Variants in ARHGAP32 observed in about 807,000 individuals in gnomAD.
ARHGAP32 encodes rho GTPase-activating protein 32.
Under a neutral mutation model 186.5 loss-of-function variants are expected in ARHGAP32, and 51 were observed. The observed-to-expected ratio is 0.27, with a 90% CI of 0.22 to 0.35. The LOEUF (loss-of-function observed/expected upper bound fraction) is 0.35. ARHGAP32 is among the 10% of genes least tolerant of loss of function. The pLI is 1.00. For synonymous variants in ARHGAP32, 950 were observed against 964.3 expected (o/e 0.99, Z 0.27); for missense variants, 2,186 against 2,623.5 (o/e 0.83, Z 3.64).
chr11:129,188,123 T>G (rs1204967239), intron 1 of ARHGAP32, among the ~76,000 whole-genome samples: 1 of 151,980 alleles, frequency 6.6e-6, no homozygotes, highest in African/African-American at 2.4e-5. Flanking sequence ...ACCCAGCTAA[T>G]TTTTGTATTT....
chr11:129,065,375 T>C (rs942476729), intron 7 of ARHGAP32, among the ~76,000 whole-genome samples: 2 of 152,092 alleles, frequency 1.3e-5, no homozygotes, highest in African/African-American at 4.8e-5. Context: ...TTCAGCCGAT[T>C]GGTCCAGGAA....
At chr11:129,193,657 C>CAATATATGTTATATATAATATAT (rs1565464780), upstream of ARHGAP32, among the ~76,000 whole-genome samples, 2 of 43,468 alleles carry the variant, frequency 4.6e-5, no homozygotes, top group Non-Finnish European at 8.8e-5. Flanking sequence ...AATACATATA[C>CAATATATGTTATATATAATATAT]AATATATATT....
At chr11:129,027,476 T>C (rs1302129663) in intron 11 of ARHGAP32, among the ~76,000 whole-genome samples, 1 of 152,194 alleles carries the variant, frequency 6.6e-6, no homozygotes, top group Admixed American at 6.5e-5. Flanking sequence ...CCTCATCTTA[T>C]GTCTTCACCC....
At chr11:129,052,238 G>A (rs1264111373) in intron 10 of ARHGAP32, among the ~76,000 whole-genome samples, 2 of 152,062 alleles carry the variant, frequency 1.3e-5, no homozygotes, top group Non-Finnish European at 2.9e-5. Context: ...TGTATTTCAG[G>A]ACTGTCTATT....
intron 1 of ARHGAP32, among the ~76,000 whole-genome samples, chr11:129,217,513 A>C (rs1413173823): frequency 2.0e-5 from 3 of 152,182 alleles, no homozygotes; most frequent in Non-Finnish European, 2.9e-5. Flanking sequence ...TATAAAAGAT[A>C]TCTCTCTTCT....
chr11:129,246,039 A>G (rs185311318), intron 1 of ARHGAP32, among the ~76,000 whole-genome samples: 135 of 152,366 alleles, frequency 8.9e-4, no homozygotes, highest in African/African-American at 3.2e-3. Flanking sequence ...TTAGCTATTC[A>G]TTAAACATTT....
At chr11:129,044,993 T>G (rs552777226) in intron 10 of ARHGAP32, among the ~76,000 whole-genome samples, 1 of 152,310 alleles carries the variant, frequency 6.6e-6, no homozygotes, top group East Asian at 1.9e-4. Context: ...ATTTTCACCT[T>G]TTAAATTCAT....
chr11:129,051,329 G>A (rs571431825), intron 10 of ARHGAP32, among the ~76,000 whole-genome samples: 14 of 152,092 alleles, frequency 9.2e-5, no homozygotes, highest in Admixed American at 2.6e-4. Context: ...TTTAATAATC[G>A]CCATTCTAAC....
At chr11:129,236,655 C>T (rs895294846) in intron 1 of ARHGAP32, among the ~76,000 whole-genome samples, 1 of 152,068 alleles carries the variant, frequency 6.6e-6, no homozygotes, top group Non-Finnish European at 1.5e-5. Context: ...TTTTTGGATA[C>T]GTCTTTAGGG....
intron 6 of ARHGAP32, among the ~76,000 whole-genome samples, chr11:129,083,608 G>T (rs945945919): frequency 6.6e-6 from 1 of 152,110 alleles, no homozygotes; most frequent in Non-Finnish European, 1.5e-5. Flanking sequence ...AACACATTGT[G>T]CACAGTGTAC....
At chr11:129,118,412 GA>G (rs931310080) in intron 5 of ARHGAP32, among the ~76,000 whole-genome samples, 1 of 151,382 alleles carries the variant, frequency 6.6e-6, no homozygotes, top group African/African-American at 2.4e-5. Flanking sequence ...GAAAAATACA[GA>G]AAAAAAAATT....
At chr11:129,065,285 T>TC (rs1940649133) in intron 7 of ARHGAP32, among the ~76,000 whole-genome samples, 1 of 152,104 alleles carries the variant, frequency 6.6e-6, no homozygotes. Context: ...GAAACCCTTT[T>TC]CCCCAAGACC....
intron 11 of ARHGAP32, among the ~76,000 whole-genome samples, chr11:129,036,404 AAAG>A (rs1939342213): frequency 6.8e-6 from 1 of 146,664 alleles, no homozygotes; most frequent in African/African-American, 2.5e-5. Flanking sequence ...AAAAAAAAAA[AAAG>A]AGAGAAAGCA....
At chr11:129,128,703 C>T (rs1043242976) in intron 2 of ARHGAP32, among the ~76,000 whole-genome samples, 1 of 151,988 alleles carries the variant, frequency 6.6e-6, no homozygotes, top group South Asian at 2.1e-4. Context: ...CCTGCCTCAG[C>T]CTGCAGAGTG....
At chr11:129,042,723 A>G (rs892075580) in intron 10 of ARHGAP32, among the ~76,000 whole-genome samples, 2 of 152,218 alleles carry the variant, frequency 1.3e-5, no homozygotes, top group Non-Finnish European at 2.9e-5. Context: ...CTTTGTTTTT[A>G]CAAGTCTTTG....
intron 6 of ARHGAP32, among the ~76,000 whole-genome samples, chr11:129,069,067 C>A (rs1286157375): frequency 6.6e-6 from 1 of 152,042 alleles, no homozygotes; most frequent in Non-Finnish European, 1.5e-5. Context: ...TCCATTATAT[C>A]TTCTGATTTG....
intron 2 of ARHGAP32, among the ~76,000 whole-genome samples, chr11:129,133,999 G>A (rs752889768): frequency 5.3e-5 from 8 of 152,110 alleles, no homozygotes; most frequent in Non-Finnish European, 1.0e-4. Flanking sequence ...AGGGAACCTC[G>A]ATGGTGGTAG....
chr11:129,001,714 A>ATT (rs61352621), intron 11 of ARHGAP32, among the ~76,000 whole-genome samples: 1 of 150,380 alleles, frequency 6.6e-6, no homozygotes, highest in African/African-American at 2.4e-5. Context: ...GATTTTTCCC[A>ATT]TTTTTTTTTA....
At chr11:129,124,154 G>A (rs1942601641) in intron 3 of ARHGAP32, among the ~76,000 whole-genome samples, 1 of 151,996 alleles carries the variant, frequency 6.6e-6, no homozygotes, top group Admixed American at 6.6e-5. Context: ...GGGATATCTT[G>A]GGGCTGGGAC....
Sources: gnomAD v4.1 joint callset for allele counts (sites outside exome capture counted in the v4.1 genomes callset) on GRCh38, gnomAD v4.1.1 for gene constraint, MANE v1.5 for transcripts, NCBI Gene and HGNC (gene_info 2026-07-23, HGNC 2026-07-21) for gene names.